IL1RAPL1: variants seen among roughly 807,000 people sequenced by gnomAD.
IL1RAPL1 encodes the protein interleukin-1 receptor accessory protein-like 1.
IL1RAPL1 carries 3 observed loss-of-function variants against 48.4 expected under a neutral mutation model. The ratio of observed to expected loss-of-function variants is 0.06; its 90% CI spans 0.03 to 0.16. The LOEUF (loss-of-function observed/expected upper bound fraction) is 0.16, where lower values mean the gene tolerates loss of function less well. Among genes scored for constraint, IL1RAPL1 ranks in the 10% least tolerant of loss-of-function variants. The pLI, the probability that IL1RAPL1 is intolerant of heterozygous loss-of-function variation, is 1.00. For synonymous variants in IL1RAPL1, 185 were observed against 187.7 expected (o/e 0.99, Z 0.12); for missense variants, 349 against 530.6 (o/e 0.66, Z 3.36).
At chrX:29,897,567 T>C (rs757059746) in intron 6 of IL1RAPL1, among the ~76,000 whole-genome samples, 1 of 112,303 alleles carries the variant, frequency 8.9e-6, no homozygotes, top group Non-Finnish European at 1.9e-5. Context: ...ACCAAATCCC[T>C]GTTTTTGGAG....
At position 29,384,687 on chromosome X, in the gene IL1RAPL1, G is replaced by A. The variant is rs182146703; in HGVS notation, c.363-11571G>A. 1.2e-4 allele frequency among the ~76,000 whole-genome samples: 14 copies of A among 112,530 alleles called. No homozygotes were observed. The East Asian group carries it at 3.9e-3, about 31-fold the overall frequency. On this transcript the variant is annotated intron_variant, in intron 3 of 10. Coordinates refer to ENST00000378993, the MANE Select transcript of IL1RAPL1 (RefSeq NM_014271.4). ...TTCAACTCATGCTAGTTCCATTGGG[G>A]TAAGCCCATGATGTTTCAAAGGACT...
intron 6 of IL1RAPL1, among the ~76,000 whole-genome samples, chrX:29,741,099 A>G (rs944725647): frequency 1.8e-5 from 2 of 112,625 alleles, no homozygotes; most frequent in African/African-American, 6.5e-5. Flanking sequence ...TATCTGTGTT[A>G]CATTGCCATT....
intron 5 of IL1RAPL1, among the ~76,000 whole-genome samples, chrX:29,520,042 C>T (rs1935487440): frequency 8.9e-6 from 1 of 112,354 alleles, no homozygotes; most frequent in Non-Finnish European, 1.9e-5. Flanking sequence ...CTTAACTGGT[C>T]TATCCATGAT....
At chrX:29,587,005 T>C (rs1021926739) in intron 5 of IL1RAPL1, among the ~76,000 whole-genome samples, 6 of 110,850 alleles carry the variant, frequency 5.4e-5, no homozygotes, top group African/African-American at 1.6e-4. Context: ...ATTTGGATGC[T>C]TTTTGTTTCT....
intron 2 of IL1RAPL1, among the ~76,000 whole-genome samples, chrX:28,864,215 A>G (rs964338544): frequency 7.8e-4 from 87 of 112,067 alleles, no homozygotes; most frequent in African/African-American, 2.8e-3. Context: ...AGCATATTCA[A>G]ATTTTAGTAA....
At chrX:29,706,447 C>T (rs1305762791) in intron 6 of IL1RAPL1, among the ~76,000 whole-genome samples, 1 of 111,923 alleles carries the variant, frequency 8.9e-6, no homozygotes, top group Non-Finnish European at 1.9e-5. Flanking sequence ...AAGTTAGTTA[C>T]TTCCTGGATA....
At position 28,963,299 on chromosome X, in the gene IL1RAPL1, G is replaced by T. The variant is rs370125957; in HGVS notation, c.82+173874G>T. On this transcript the variant is annotated intron_variant, in intron 2 of 10. Transcript: ENST00000378993. ...TTCTTTGCCTTTGTCGTTTAAATCT[G>T]TGGCCAGAATATGTTCATTTTTGGT... 1.5e-3 allele frequency among the ~76,000 whole-genome samples: 165 copies of T among 111,101 alleles called. 3 individuals are homozygous for T. In the South Asian group the frequency reaches 0.059, roughly 40 times the overall value.
chrX:29,335,278 AGGGGAGAGGGGAGAGGGGAGAG>A (rs1267164918), intron 3 of IL1RAPL1, among the ~76,000 whole-genome samples: 224 of 2,773 alleles, frequency 0.081, 44 homozygotes, highest in African/African-American at 0.13. Flanking sequence ...GGAGACGGAG[AGGGGAGAGGGGAGAGGGGAGAG>A]GGGAGAGGGG....
intron 6 of IL1RAPL1, among the ~76,000 whole-genome samples, chrX:29,842,585 T>C (rs1399680395): frequency 8.9e-6 from 1 of 112,510 alleles, no homozygotes; most frequent in Non-Finnish European, 1.9e-5. Context: ...ATTGTGTTAA[T>C]TCGAAACATT....
intron 6 of IL1RAPL1, among the ~76,000 whole-genome samples, chrX:29,793,256 C>G (rs1569169932): frequency 1.8e-5 from 2 of 112,061 alleles, no homozygotes; most frequent in African/African-American, 6.5e-5. Flanking sequence ...CTAACTCTGA[C>G]AAGAGTGAAA....
Position 29,859,269 on chromosome X carries a change from T to A in IL1RAPL1, c.779-58195T>A, listed in dbSNP as rs777393878. On this transcript the variant is annotated intron_variant, in intron 6 of 10. Coordinates refer to ENST00000378993, the MANE Select transcript of IL1RAPL1 (RefSeq NM_014271.4). ...CAAAGGTCATAGGCTCAACTATTTA[T>A]CCTCTTCAGGTTTTTTCTTTTACAG... Among the ~76,000 whole-genome samples the A allele has an allele frequency of 8.9e-5, 10 of 112,097 alleles. No homozygotes were observed. In the East Asian group the frequency reaches 2.8e-3, roughly 32 times the overall value.
intron 2 of IL1RAPL1, among the ~76,000 whole-genome samples, chrX:28,972,033 A>G (rs759393239): frequency 9.1e-6 from 1 of 110,250 alleles, no homozygotes; most frequent in Non-Finnish European, 1.9e-5. Context: ...CCACCAAATT[A>G]TATCTTATTT....
intron 2 of IL1RAPL1, among the ~76,000 whole-genome samples, chrX:29,159,794 C>T (rs1171541788): frequency 8.9e-6 from 1 of 111,768 alleles, no homozygotes; most frequent in Admixed American, 9.5e-5. Context: ...TGGCGCGATC[C>T]TCTGCCTCCC....
intron 6 of IL1RAPL1, among the ~76,000 whole-genome samples, chrX:29,720,687 G>A (rs1927617009): frequency 9.0e-6 from 1 of 110,714 alleles, no homozygotes; most frequent in Admixed American, 9.6e-5. Flanking sequence ...AACTACCATG[G>A]CACATGTATA....
chrX:29,848,230 C>T (rs2147197084), intron 6 of IL1RAPL1, among the ~76,000 whole-genome samples: 1 of 111,329 alleles, frequency 9.0e-6, no homozygotes, highest in South Asian at 3.8e-4. Context: ...TGGACTCAGC[C>T]TAGAAACTTA....
chrX:28,764,441 G>A (rs746127977), intron 1 of IL1RAPL1, among the ~76,000 whole-genome samples: 3 of 111,576 alleles, frequency 2.7e-5, no homozygotes, highest in Admixed American at 9.6e-5. Context: ...AGTGGCTCAC[G>A]CCTGTAATCC....
chrX:29,176,659 C>T (rs144475644), intron 2 of IL1RAPL1, among the ~76,000 whole-genome samples: 1 of 110,831 alleles, frequency 9.0e-6, no homozygotes, highest in African/African-American at 3.3e-5. Context: ...TCCATACTTA[C>T]GTCTGATGGT....
intron 2 of IL1RAPL1, among the ~76,000 whole-genome samples, chrX:29,177,332 C>A (rs184611070): frequency 9.0e-6 from 1 of 111,703 alleles, no homozygotes; most frequent in East Asian, 2.8e-4. Flanking sequence ...CACAATTATA[C>A]TCTTAATGAA....
intron 2 of IL1RAPL1, among the ~76,000 whole-genome samples, chrX:29,091,781 G>T (rs1928096908): frequency 9.0e-6 from 1 of 110,718 alleles, no homozygotes; most frequent in Non-Finnish European, 1.9e-5. Context: ...AAACAATAAA[G>T]ACATCAAAAT....
Sources: gnomAD v4.1 joint callset for allele counts (sites outside exome capture counted in the v4.1 genomes callset) on GRCh38, gnomAD v4.1.1 for gene constraint, MANE v1.5 for transcripts, NCBI Gene and HGNC (gene_info 2026-07-23, HGNC 2026-07-21) for gene names.